HDX: variants seen among roughly 807,000 people sequenced by gnomAD.
HDX encodes highly divergent homeobox.
HDX carries 19 observed loss-of-function variants against 45.2 expected under a neutral mutation model. The ratio of observed to expected loss-of-function variants is 0.42; its 90% CI spans 0.29 to 0.62. The LOEUF is 0.62. Ranked by LOEUF, HDX falls within the 20% of genes least tolerant of loss-of-function variation. The pLI, the probability that HDX is intolerant of heterozygous loss-of-function variation, is 0.20. For missense variants in HDX, 532 were observed against 493.9 expected, an observed-to-expected ratio of 1.08 and a Z score of -0.73; for synonymous variants, 188 against 172.8, an observed-to-expected ratio of 1.09 and a Z score of -0.69.
At chrX:84,408,540 T>C (rs1399535115) in intron 5 of HDX, among the ~76,000 whole-genome samples, 3 of 97,879 alleles carry the variant, frequency 3.1e-5, no homozygotes, top group Non-Finnish European at 6.1e-5. Flanking sequence ...ATTCCTTTGG[T>C]TATTCAGCCT....
In HDX at chrX:84,448,334, T is replaced by C. The variant is rs555694796; in HGVS notation, c.1252-7749A>G. Among the ~76,000 whole-genome samples, 30 of 111,293 alleles carry C rather than the reference T, an allele frequency of 2.7e-4. No homozygotes were observed. The South Asian group carries it at 0.012, about 43-fold the overall frequency. ...GGACATGGCCAGCACCTGAGGAAGC[T>C]GGCTGGAGGCCCAAGAATCACCACA... On this transcript the variant is annotated intron_variant, in intron 4 of 10. Transcript: ENST00000373177.
intron 5 of HDX, among the ~76,000 whole-genome samples, chrX:84,371,492 C>CA (rs977871950): frequency 1.8e-5 from 2 of 112,027 alleles, no homozygotes; most frequent in African/African-American, 3.2e-5. Context: ...GAATAAACTG[C>CA]TTTTTTAGAA....
intron 5 of HDX, among the ~76,000 whole-genome samples, chrX:84,388,265 C>G (rs1026698451): frequency 9.1e-6 from 1 of 110,050 alleles, no homozygotes; most frequent in African/African-American, 3.3e-5. Context: ...CTTGGTGACT[C>G]TGATGACTGT....
chrX:84,480,439 G>A (rs1245802475), intron 2 of HDX, among the ~76,000 whole-genome samples: 1 of 111,579 alleles, frequency 9.0e-6, no homozygotes, highest in African/African-American at 3.3e-5. Flanking sequence ...TGGAGGGAAA[G>A]CGTTAAATCT....
chrX:84,382,993 A>G (rs1386329350), intron 5 of HDX, among the ~76,000 whole-genome samples: 1 of 111,228 alleles, frequency 9.0e-6, no homozygotes, highest in African/African-American at 3.3e-5. Flanking sequence ...TGTACCCTCA[A>G]AAATTAAATA....
intron 4 of HDX, among the ~76,000 whole-genome samples, chrX:84,461,192 A>G (rs974983082): frequency 8.9e-6 from 1 of 111,962 alleles, no homozygotes; most frequent in Non-Finnish European, 1.9e-5. Context: ...ATCTGGAACC[A>G]TAAAAGAACC....
chrX:84,329,016 T>C (rs753432813), intron 9 of HDX, among the ~76,000 whole-genome samples: 19 of 112,073 alleles, frequency 1.7e-4, no homozygotes, highest in Non-Finnish European at 3.8e-5. Context: ...ATTCAAAGAT[T>C]TTCTCATTGT....
chrX:84,479,726 TAC>T (rs1331157176), intron 2 of HDX, among the ~76,000 whole-genome samples: 2 of 112,088 alleles, frequency 1.8e-5, no homozygotes, highest in Non-Finnish European at 3.8e-5. Context: ...CAACATTTAT[TAC>T]AGTCAATTTT....
chrX:84,436,573 T>C (rs2039642285), intron 5 of HDX, among the ~76,000 whole-genome samples: 1 of 111,883 alleles, frequency 8.9e-6, no homozygotes. Context: ...TCTTATTTTC[T>C]CCTTTCACCC....
At chrX:84,430,139 T>C (rs1243930212) in intron 5 of HDX, among the ~76,000 whole-genome samples, 1 of 110,818 alleles carries the variant, frequency 9.0e-6, no homozygotes, top group Non-Finnish European at 1.9e-5. Context: ...TGTAATTTTG[T>C]CTCCTTTAAC....
chrX:84,337,605 A>C (rs2036994077), intron 7 of HDX, among the ~76,000 whole-genome samples: 1 of 111,592 alleles, frequency 9.0e-6, no homozygotes, highest in Non-Finnish European at 1.9e-5. Context: ...GTGTACAAAC[A>C]CACACAGACA....
chrX:84,383,518 A>C (rs759396899), intron 5 of HDX, among the ~76,000 whole-genome samples: 56 of 111,793 alleles, frequency 5.0e-4, no homozygotes, highest in African/African-American at 1.7e-3. Context: ...ATAAGTACTA[A>C]AAATGTTAAA....
At chrX:84,333,899 G>T in intron 8 of HDX, 57 bp from the exon 9 acceptor site, 1 of 476,449 alleles carries the variant, frequency 2.1e-6, no homozygotes, top group Non-Finnish European at 3.6e-6. Flanking sequence ...ACTACACTCA[G>T]CAATGCATAG....
intron 5 of HDX, among the ~76,000 whole-genome samples, chrX:84,428,567 CATA>C (rs1447346735): frequency 2.7e-5 from 3 of 110,766 alleles, no homozygotes; most frequent in African/African-American, 9.8e-5. Flanking sequence ...ATAGAAATCA[CATA>C]ATATCTCTGA....
At chrX:84,482,859 T>G (rs753285894) in intron 2 of HDX, among the ~76,000 whole-genome samples, 8 of 111,941 alleles carry the variant, frequency 7.1e-5, no homozygotes, top group African/African-American at 9.7e-5. Flanking sequence ...CAAAAGCAAG[T>G]TAGTTACTTC....
intron 7 of HDX, among the ~76,000 whole-genome samples, chrX:84,342,946 C>T (rs759625824): frequency 9.0e-6 from 1 of 111,517 alleles, no homozygotes; most frequent in Admixed American, 9.5e-5. Context: ...GTATTCTAAA[C>T]AGAGTTCAAT....
At chrX:84,387,325 G>A (rs1268768107) in intron 5 of HDX, among the ~76,000 whole-genome samples, 2 of 111,592 alleles carry the variant, frequency 1.8e-5, no homozygotes, top group African/African-American at 6.5e-5. Context: ...GTTGCTGGAC[G>A]GAGTGACTTG....
At chrX:84,366,564 G>A (rs901589036) in intron 5 of HDX, among the ~76,000 whole-genome samples, 15 of 111,436 alleles carry the variant, frequency 1.3e-4, no homozygotes, top group Non-Finnish European at 2.1e-4. Context: ...GGGGCATCAC[G>A]CTACCTGACT....
At chrX:84,446,812 C>A (rs1037941689) in intron 4 of HDX, among the ~76,000 whole-genome samples, 1 of 111,994 alleles carries the variant, frequency 8.9e-6, no homozygotes, top group Admixed American at 9.5e-5. Context: ...TTTTTATTTG[C>A]CTTGTTGCAC....
Sources: gnomAD v4.1 joint callset for allele counts (sites outside exome capture counted in the v4.1 genomes callset) on GRCh38, gnomAD v4.1.1 for gene constraint, MANE v1.5 for transcripts, NCBI Gene and HGNC (gene_info 2026-07-23, HGNC 2026-07-21) for gene names.